The following CDH13 variants were observed in gnomAD, a reference collection of about 807,000 sequenced individuals.
The protein encoded by CDH13 is cadherin 13.
A neutral mutation model predicts 63.8 loss-of-function variants in CDH13; 24 were observed. The observed-to-expected ratio is 0.38, with a 90% CI of 0.27 to 0.53. CDH13 has a LOEUF of 0.53. Among genes scored for constraint, CDH13 ranks in the 20% least tolerant of loss-of-function variants. The probability of loss-of-function intolerance (pLI) is 0.85; values close to 1 mark genes in which losing one functional copy is unlikely to be tolerated. For missense variants in CDH13, 1,049 were observed against 903.1 expected, an observed-to-expected ratio of 1.16 and a Z score of -2.07; for synonymous variants, 503 against 355.3, an observed-to-expected ratio of 1.42 and a Z score of -4.67.
intron 11 of CDH13, among the ~76,000 whole-genome samples, chr16:83,779,759 G>A (rs905340749): frequency 1.5e-4 from 23 of 152,168 alleles, no homozygotes; most frequent in African/African-American, 5.6e-4. Context: ...TTGGGATACT[G>A]AGGTGGTAGG....
intron 8 of CDH13, among the ~76,000 whole-genome samples, chr16:83,644,045 G>C (rs760005901): frequency 2.0e-5 from 3 of 152,224 alleles, no homozygotes; most frequent in Admixed American, 6.5e-5. Context: ...GAGCCTATCA[G>C]ATCAGCCCCC....
chr16:83,650,338 T>C (rs1912250072), intron 8 of CDH13, among the ~76,000 whole-genome samples: 2 of 152,244 alleles, frequency 1.3e-5, no homozygotes, highest in Non-Finnish European at 2.9e-5. Flanking sequence ...GTTTTACCCT[T>C]GAATGTTTTT....
chr16:83,161,607 T>A (rs909167454), intron 4 of CDH13, among the ~76,000 whole-genome samples: 3 of 152,116 alleles, frequency 2.0e-5, no homozygotes, highest in African/African-American at 7.2e-5. Context: ...ACCACCAGCA[T>A]TTGTCTTGAC....
intron 5 of CDH13, among the ~76,000 whole-genome samples, chr16:83,233,503 C>T (rs1042601958): frequency 3.3e-5 from 5 of 152,168 alleles, no homozygotes; most frequent in African/African-American, 4.8e-5. Context: ...GTCAGAAGTC[C>T]GACATGGTTC....
intron 1 of CDH13, among the ~76,000 whole-genome samples, chr16:82,652,274 C>T (rs549129460): frequency 1.3e-5 from 2 of 152,334 alleles, no homozygotes; most frequent in South Asian, 4.1e-4. Flanking sequence ...TGAAAGATTA[C>T]AGGAAAATAG....
intron 5 of CDH13, among the ~76,000 whole-genome samples, chr16:83,252,929 C>T (rs1905758677): frequency 6.6e-6 from 1 of 152,094 alleles, no homozygotes; most frequent in Non-Finnish European, 1.5e-5. Context: ...GGATGGTTGA[C>T]CTTAATTAAC....
intron 2 of CDH13, among the ~76,000 whole-genome samples, chr16:82,883,048 C>A (rs1215819277): frequency 6.6e-6 from 1 of 152,126 alleles, no homozygotes; most frequent in Non-Finnish European, 1.5e-5. Flanking sequence ...TTATTATCAC[C>A]TTCTAAGGGT....
At chr16:83,010,913 T>C (rs1408083147) in intron 2 of CDH13, among the ~76,000 whole-genome samples, 1 of 152,218 alleles carries the variant, frequency 6.6e-6, no homozygotes, top group Non-Finnish European at 1.5e-5. Flanking sequence ...TCTTAGCATT[T>C]TGTGGCTGAA....
At chr16:83,425,632 C>G (rs758751041) in intron 6 of CDH13, among the ~76,000 whole-genome samples, 3 of 152,224 alleles carry the variant, frequency 2.0e-5, no homozygotes, top group African/African-American at 4.8e-5. Flanking sequence ...TTATCCTAAA[C>G]TTCTTTATGT....
At chr16:83,738,673 C>T (rs1597153061) in intron 10 of CDH13, among the ~76,000 whole-genome samples, 3 of 152,130 alleles carry the variant, frequency 2.0e-5, no homozygotes, top group East Asian at 3.9e-4. Context: ...TTTGGGAGGC[C>T]AAGGCAGGTG....
intron 2 of CDH13, among the ~76,000 whole-genome samples, chr16:82,862,277 G>A (rs1372110313): frequency 6.6e-6 from 1 of 152,192 alleles, no homozygotes; most frequent in Non-Finnish European, 1.5e-5. Context: ...TAGAAGAATA[G>A]CTGTCTTGGG....
In CDH13 at chr16:83,602,588, G is replaced by T; in HGVS notation, c.1095G>T (p.Lys365Asn). 1 of 1,613,916 alleles carries T rather than the reference G, an allele frequency of 6.2e-7. No homozygotes were observed. The highest frequency in any genetic ancestry group is 8.5e-7 in the Non-Finnish European group (1 of 1,179,846). The part of the protein sequence containing the change: ...DKNDHSPKFT[K>N]KEFQATVEEG... ...ATGATCACTCACCAAAATTCACCAA[G>T]AAAGAGGTAAACCCCTGTGCCAAAC... The change falls in exon 8 of 14, where the codon AAG (lysine) becomes AAT (asparagine). Residue 365 changes from lysine to asparagine, a missense_variant. Transcript: ENST00000567109.
At position 82,640,394 on chromosome 16, in the gene CDH13, C is replaced by T. The variant is rs190314778; in HGVS notation, c.45+13257C>T. The stretch of plus-strand genomic sequence containing the variant: ...TTGAAATTTTACTGTTGGGAATTTA[C>T]GAATATGGCAACTAATGATTTAAAC... On this transcript the variant is annotated intron_variant, in intron 1 of 13. Transcript: ENST00000567109. Among the ~76,000 whole-genome samples, 41 of 152,196 alleles carry T rather than the reference C, an allele frequency of 2.7e-4. No homozygotes were observed. The East Asian group carries it at 7.3e-3, about 27-fold the overall frequency.
intron 6 of CDH13, among the ~76,000 whole-genome samples, chr16:83,403,428 C>G (rs1008878057): frequency 6.6e-6 from 1 of 152,024 alleles, no homozygotes. Flanking sequence ...TCGAGAGCAT[C>G]CTGGCTAACA....
At chr16:83,153,440 C>G (rs2037076236) in intron 4 of CDH13, among the ~76,000 whole-genome samples, 1 of 152,154 alleles carries the variant, frequency 6.6e-6, no homozygotes, top group Non-Finnish European at 1.5e-5. Context: ...ACTCCTAAAC[C>G]ATAATTTCTA....
At chr16:82,994,528 C>T (rs774285340) in intron 2 of CDH13, among the ~76,000 whole-genome samples, 6 of 152,178 alleles carry the variant, frequency 3.9e-5, no homozygotes, top group African/African-American at 1.2e-4. Flanking sequence ...CAGCTAATGG[C>T]CCCTTTGGTT....
At chr16:83,065,629 CA>C (rs1256862055) in intron 3 of CDH13, among the ~76,000 whole-genome samples, 5 of 150,252 alleles carry the variant, frequency 3.3e-5, no homozygotes, top group Admixed American at 6.7e-5. Context: ...CAGTTAAGCC[CA>C]GGGGGCAGAG....
At chr16:82,751,012 C>G (rs140112278) in intron 1 of CDH13, among the ~76,000 whole-genome samples, 106 of 152,274 alleles carry the variant, frequency 7.0e-4, no homozygotes, top group African/African-American at 1.8e-3. Context: ...TGGTCCTCTC[C>G]CCAGCCAACT....
chr16:82,863,522 A>G (rs943712492), intron 2 of CDH13, among the ~76,000 whole-genome samples: 9 of 152,202 alleles, frequency 5.9e-5, no homozygotes, highest in Non-Finnish European at 1.0e-4. Context: ...TGAGTTATTC[A>G]CATCCTCCAA....
Sources: gnomAD v4.1 joint callset for allele counts (sites outside exome capture counted in the v4.1 genomes callset) on GRCh38, gnomAD v4.1.1 for gene constraint, MANE v1.5 for transcripts, NCBI Gene and HGNC (gene_info 2026-07-23, HGNC 2026-07-21) for gene names.